The following CADPS2 variants were observed in gnomAD, a reference collection of about 807,000 sequenced individuals.
CADPS2 encodes calcium dependent secretion activator 2, also known as calcium-dependent secretion activator 2.
In CADPS2, 93 loss-of-function variants were observed where a neutral mutation model predicts 172.5. That is an observed-to-expected ratio of 0.54 (90% CI 0.46 to 0.64). The LOEUF (loss-of-function observed/expected upper bound fraction) is 0.64, where lower values mean the gene tolerates loss of function less well. Ranked by LOEUF, CADPS2 falls within the 30% of genes least tolerant of loss-of-function variation. The pLI is 0.00. For missense variants in CADPS2, 1,420 were observed against 1,565.9 expected, an observed-to-expected ratio of 0.91 and a Z score of 1.57; for synonymous variants, 546 against 555.2, an observed-to-expected ratio of 0.98 and a Z score of 0.23.
intron 8 of CADPS2, among the ~76,000 whole-genome samples, chr7:122,522,516 G>A (rs952504046): frequency 6.6e-6 from 1 of 152,100 alleles, no homozygotes; most frequent in Admixed American, 6.6e-5. Context: ...GTAAAATCGG[G>A]ATATTTGGGA....
At chr7:122,405,600 G>A (rs762767497) in intron 20 of CADPS2, among the ~76,000 whole-genome samples, 1 of 151,988 alleles carries the variant, frequency 6.6e-6, no homozygotes, top group South Asian at 2.1e-4. Context: ...GAGGCCACTG[G>A]AAGTGCCACT....
In CADPS2 at chr7:122,554,629, G is replaced by A. The variant is rs528728826; in HGVS notation, c.1396C>T (p.Pro466Ser). 2 of 1,611,230 alleles carry A rather than the reference G, an allele frequency of 1.2e-6. No homozygotes were observed. The highest frequency in any genetic ancestry group is 1.3e-5 in the African/African-American group (1 of 74,836). Residue 466 changes from proline (P) to serine (S), a missense_variant, in exon 8 of 30, where the codon CCA (proline) becomes TCA (serine). By Grantham distance (74) the Pro-to-Ser change is moderately conservative. Coordinates refer to ENST00000449022, the MANE Select transcript of CADPS2 (RefSeq NM_017954.11). ...KSAELHRMVV[P>S]KNSQDSDLKI... Reference sequence around the variant, plus strand: ...AAGTCAGAATCCTGGCTATTTTTTGGAACTACCATTCGGTGTAATTCAGCT... The same window carrying A: ...AAGTCAGAATCCTGGCTATTTTTTGAAACTACCATTCGGTGTAATTCAGCT...
chr7:122,413,840 T>C (rs1020329139), intron 19 of CADPS2, among the ~76,000 whole-genome samples: 7 of 152,218 alleles, frequency 4.6e-5, no homozygotes, highest in Admixed American at 2.6e-4. Context: ...CCTTCAGTCA[T>C]GTTTTACTTA....
intron 1 of CADPS2, among the ~76,000 whole-genome samples, chr7:122,864,368 T>TAC (rs1249954663): frequency 2.0e-5 from 3 of 152,072 alleles, no homozygotes; most frequent in Non-Finnish European, 4.4e-5. Context: ...TGGTTCCAGC[T>TAC]ACTTGGGAGG....
At chr7:122,349,061 A>C (rs1050881764) in intron 27 of CADPS2, among the ~76,000 whole-genome samples, 1 of 146,836 alleles carries the variant, frequency 6.8e-6, no homozygotes, top group Non-Finnish European at 1.5e-5. Context: ...ATAATAACTA[A>C]GTATGCTAGT....
rs1329614601 is a variant in CADPS2 at position 122,769,034 on chromosome 7, G to A, written c.340-31966C>T. On this transcript the variant is annotated intron_variant, in intron 1 of 29. Coordinates refer to ENST00000449022, the MANE Select transcript of CADPS2 (RefSeq NM_017954.11). ...ACAACAAGGCTGCCATTCAAATAGC[G>A]CTGTCAAATTGGGTCTATGTTTAAT... Among the ~76,000 whole-genome samples the A allele has an allele frequency of 5.9e-5, 9 of 151,862 alleles. No individual in the cohort carries two copies. The East Asian group carries it at 1.2e-3, about 20-fold the overall frequency.
At chr7:122,518,206 A>C (rs1411414471) in intron 8 of CADPS2, among the ~76,000 whole-genome samples, 1 of 152,046 alleles carries the variant, frequency 6.6e-6, no homozygotes, top group African/African-American at 2.4e-5. Context: ...AAGACTTTGC[A>C]TATAAAAATC....
At chr7:122,804,192 A>C (rs1236038745) in intron 1 of CADPS2, among the ~76,000 whole-genome samples, 1 of 152,194 alleles carries the variant, frequency 6.6e-6, no homozygotes, top group Non-Finnish European at 1.5e-5. Flanking sequence ...TCCCCGCATC[A>C]GTGCCAAGGC....
intron 1 of CADPS2, among the ~76,000 whole-genome samples, chr7:122,844,843 T>A (rs1811539527): frequency 6.6e-6 from 1 of 152,060 alleles, no homozygotes; most frequent in African/African-American, 2.4e-5. Flanking sequence ...CTGAAGAGAT[T>A]GAGCAAACCT....
At chr7:122,592,899 A>T (rs999164795) in intron 6 of CADPS2, among the ~76,000 whole-genome samples, 6 of 152,104 alleles carry the variant, frequency 3.9e-5, no homozygotes, top group Non-Finnish European at 7.4e-5. Context: ...ATGATGAGTT[A>T]TCGGGTGCAG....
chr7:122,526,284 C>G (rs908359080), intron 8 of CADPS2, among the ~76,000 whole-genome samples: 1 of 152,014 alleles, frequency 6.6e-6, no homozygotes, highest in Non-Finnish European at 1.5e-5. Flanking sequence ...CTCCACCTCC[C>G]GGGTTCAAGT....
intron 1 of CADPS2, among the ~76,000 whole-genome samples, chr7:122,780,606 C>T (rs1222546291): frequency 1.3e-5 from 2 of 152,078 alleles, no homozygotes; most frequent in Non-Finnish European, 2.9e-5. Flanking sequence ...CCTCAACCTC[C>T]AGGGCTCAAG....
intron 6 of CADPS2, among the ~76,000 whole-genome samples, chr7:122,603,508 T>A (rs1345516436): frequency 6.6e-6 from 1 of 151,152 alleles, no homozygotes; most frequent in African/African-American, 2.4e-5. Flanking sequence ...ATAGTGAATA[T>A]ATGGGCAGAG....
chr7:122,373,822 A>G (rs781302222), intron 25 of CADPS2, among the ~76,000 whole-genome samples: 23 of 152,228 alleles, frequency 1.5e-4, no homozygotes, highest in Non-Finnish European at 2.9e-4. Context: ...CCAAACATTT[A>G]AAGAAGAATT....
intron 5 of CADPS2, among the ~76,000 whole-genome samples, chr7:122,616,985 G>A (rs1170650381): frequency 6.6e-6 from 1 of 152,140 alleles, no homozygotes; most frequent in Admixed American, 6.5e-5. Flanking sequence ...TGAAACAACA[G>A]AATTGTGTAG....
chr7:122,852,394 G>A (rs1001112937), intron 1 of CADPS2, among the ~76,000 whole-genome samples: 3 of 152,160 alleles, frequency 2.0e-5, no homozygotes, highest in Non-Finnish European at 4.4e-5. Context: ...TGTGTCAAGG[G>A]GGAAGATAAT....
intron 14 of CADPS2, among the ~76,000 whole-genome samples, chr7:122,467,065 T>TAAAA (rs112848871): frequency 1.5e-4 from 23 of 152,204 alleles, no homozygotes; most frequent in African/African-American, 4.8e-4. Context: ...TTTGATAAAA[T>TAAAA]AAAAAAACTC....
At chr7:122,721,283 A>C (rs1437190922) in intron 2 of CADPS2, among the ~76,000 whole-genome samples, 1 of 152,118 alleles carries the variant, frequency 6.6e-6, no homozygotes, top group African/African-American at 2.4e-5. Flanking sequence ...CAAAATTGAT[A>C]GACTGCTAGC....
intron 25 of CADPS2, among the ~76,000 whole-genome samples, chr7:122,374,345 G>A (rs2042097412): frequency 6.6e-6 from 1 of 152,000 alleles, no homozygotes; most frequent in South Asian, 2.1e-4. Context: ...CATGAGACAA[G>A]GATGCCCACA....
Sources: gnomAD v4.1 joint callset for allele counts (sites outside exome capture counted in the v4.1 genomes callset) on GRCh38, gnomAD v4.1.1 for gene constraint, MANE v1.5 for transcripts, NCBI Gene and HGNC (gene_info 2026-07-23, HGNC 2026-07-21) for gene names.